The following CNTN5 variants were observed in gnomAD, a reference collection of about 807,000 sequenced individuals.
CNTN5 encodes contactin 5.
Under a neutral mutation model 129.1 loss-of-function variants are expected in CNTN5, and 77 were observed. That is an observed-to-expected ratio of 0.60 (90% CI 0.50 to 0.72). CNTN5 has a LOEUF of 0.72. CNTN5 is among the 30% of genes least tolerant of loss of function. CNTN5 has a pLI of 0.00. For missense variants in CNTN5, 1,478 were observed against 1,328.8 expected (o/e 1.11, Z -1.75); for synonymous variants, 509 against 465.6 (o/e 1.09, Z -1.20).
intron 1 of CNTN5, among the ~76,000 whole-genome samples, chr11:99,150,467 C>T (rs1426884049): frequency 6.6e-6 from 1 of 151,866 alleles, no homozygotes; most frequent in African/African-American, 2.4e-5. Context: ...TAATCCAAGA[C>T]TTATGAACTA....
intron 3 of CNTN5, among the ~76,000 whole-genome samples, chr11:99,794,176 T>C (rs1164131245): frequency 8.8e-6 from 1 of 113,154 alleles, no homozygotes; most frequent in African/African-American, 2.9e-5. Context: ...ATGTCCTTCT[T>C]TGTCTTTTTT....
intron 1 of CNTN5, among the ~76,000 whole-genome samples, chr11:99,085,256 G>A (rs553559659): frequency 1.4e-5 from 2 of 142,204 alleles, no homozygotes; most frequent in African/African-American, 5.6e-5. Context: ...TGTTGGCCCA[G>A]GGTGGTTCTC....
chr11:99,151,427 G>T (rs150095037), intron 1 of CNTN5, among the ~76,000 whole-genome samples: 1 of 152,208 alleles, frequency 6.6e-6, no homozygotes, highest in Non-Finnish European at 1.5e-5. Context: ...TTCCCTTCTT[G>T]TCTTCAGTAT....
Position 99,500,650 on chromosome 11 carries a change from A to G in CNTN5, c.-70-55495A>G, listed in dbSNP as rs552726700. 1.1e-3 allele frequency among the ~76,000 whole-genome samples: 165 copies of G among 152,172 alleles called. 3 individuals are homozygous for G. The highest frequency in any genetic ancestry group is 3.1e-3 in the East Asian group (16 of 5,186). Reference sequence around the variant, plus strand: ...TGCATAGCATTATTTTTTCATGGCTACATAGTATTCCATGAATTGTATATA... The same window carrying G: ...TGCATAGCATTATTTTTTCATGGCTGCATAGTATTCCATGAATTGTATATA... On this transcript the variant is annotated intron_variant, in intron 2 of 24. Transcript: ENST00000524871.
chr11:99,403,802 G>T (rs1022912063), intron 2 of CNTN5, among the ~76,000 whole-genome samples: 1 of 152,142 alleles, frequency 6.6e-6, no homozygotes, highest in African/African-American at 2.4e-5. Flanking sequence ...GATGATCCAT[G>T]TGCTGAGGAG....
intron 1 of CNTN5, among the ~76,000 whole-genome samples, chr11:99,056,932 T>G (rs917969143): frequency 1.3e-5 from 2 of 152,082 alleles, no homozygotes; most frequent in Non-Finnish European, 2.9e-5. Context: ...TTATTTGGAC[T>G]GATATTTTTT....
chr11:99,027,976 TA>T (rs1320464285), intron 1 of CNTN5, among the ~76,000 whole-genome samples: 2 of 151,738 alleles, frequency 1.3e-5, no homozygotes, highest in Non-Finnish European at 3.0e-5. Context: ...AGTTTGCAAA[TA>T]AAATAAAGAA....
At chr11:99,601,263 C>G (rs778494312) in intron 3 of CNTN5, among the ~76,000 whole-genome samples, 7 of 152,200 alleles carry the variant, frequency 4.6e-5, no homozygotes, top group Non-Finnish European at 8.8e-5. Flanking sequence ...ACTTTATAAC[C>G]TCAAAAAATA....
rs1298667015 is a variant in CNTN5 at position 100,275,769 on chromosome 11, A to G, written c.2314+4528A>G. On this transcript the variant is annotated intron_variant, in intron 18 of 24. Transcript: ENST00000524871. ...GAGAAGTAGCATGAAAAATGCACGA[A>G]GTACTCTCCTTTGAAAGTGAGTTGA... Among the ~76,000 whole-genome samples the G allele has an allele frequency of 2.0e-5, 3 of 152,372 alleles. No individual in the cohort carries two copies. The East Asian group carries it at 5.8e-4, about 29-fold the overall frequency.
chr11:99,626,892 A>G (rs1034267602), intron 3 of CNTN5, among the ~76,000 whole-genome samples: 3 of 152,170 alleles, frequency 2.0e-5, no homozygotes, highest in African/African-American at 4.8e-5. Context: ...GTATTCCTGT[A>G]TAATTGCACA....
intron 1 of CNTN5, among the ~76,000 whole-genome samples, chr11:99,085,587 T>C (rs1865974763): frequency 6.6e-6 from 1 of 152,054 alleles, no homozygotes; most frequent in African/African-American, 2.4e-5. Flanking sequence ...TTTCTAAGAG[T>C]CTCCAAAGAC....
intron 6 of CNTN5, among the ~76,000 whole-genome samples, chr11:99,903,740 T>C (rs72992807): frequency 6.6e-6 from 1 of 152,184 alleles, no homozygotes; most frequent in South Asian, 2.1e-4. Context: ...AATATAATTT[T>C]TTTAGAGAGA....
At chr11:100,302,802 T>C (rs1189782387) in intron 20 of CNTN5, among the ~76,000 whole-genome samples, 2 of 151,588 alleles carry the variant, frequency 1.3e-5, no homozygotes, top group East Asian at 3.9e-4. Flanking sequence ...CATTCTCCAC[T>C]CTATCCCTTT....
intron 1 of CNTN5, among the ~76,000 whole-genome samples, chr11:99,108,233 T>C (rs1279301425): frequency 6.6e-6 from 1 of 152,188 alleles, no homozygotes; most frequent in East Asian, 1.9e-4. Flanking sequence ...AAACTACTTC[T>C]AAAGACACTT....
At chr11:99,639,667 C>T (rs10893638) in intron 3 of CNTN5, among the ~76,000 whole-genome samples, 90,049 of 147,906 alleles carry the variant, frequency 0.61, 27,956 homozygotes, top group Admixed American at 0.7. Context: ...TGGGTTCAAG[C>T]GATTCCCCTG....
chr11:99,330,801 C>T (rs553492679), intron 2 of CNTN5, among the ~76,000 whole-genome samples: 28 of 152,166 alleles, frequency 1.8e-4, no homozygotes, highest in African/African-American at 6.7e-4. Flanking sequence ...TCTTTCCTGT[C>T]ATTTGTTTCT....
At chr11:99,179,346 G>A (rs553790148) in intron 1 of CNTN5, among the ~76,000 whole-genome samples, 9 of 152,194 alleles carry the variant, frequency 5.9e-5, no homozygotes, top group Admixed American at 5.2e-4. Flanking sequence ...AGAGTTTGAG[G>A]CAGGAGAATT....
chr11:99,249,142 T>C (rs972212672), intron 1 of CNTN5, among the ~76,000 whole-genome samples: 1 of 152,180 alleles, frequency 6.6e-6, no homozygotes, highest in African/African-American at 2.4e-5. Context: ...TTTATTTCGT[T>C]GAGCAGTGGT....
chr11:100,005,692 G>C (rs1007409578), intron 9 of CNTN5, among the ~76,000 whole-genome samples: 1 of 152,040 alleles, frequency 6.6e-6, no homozygotes, highest in Non-Finnish European at 1.5e-5. Context: ...AGAAGGATTT[G>C]TTTGTTGCCT....
Sources: allele counts gnomAD v4.1 joint callset (sites outside exome capture counted in the v4.1 genomes callset), GRCh38; gene constraint gnomAD v4.1.1; transcripts MANE v1.5; gene names NCBI Gene and HGNC (gene_info 2026-07-23, HGNC 2026-07-21).